The following GSDME variants were observed in gnomAD, a reference collection of about 807,000 sequenced individuals.
GSDME encodes gasdermin-E.
GSDME carries 44 observed loss-of-function variants against 47.5 expected under a neutral mutation model. That is an observed-to-expected ratio of 0.93 (90% confidence interval 0.73 to 1.19). GSDME has a LOEUF of 1.19. Ranked by LOEUF, GSDME falls within the 50% of genes most tolerant of loss-of-function variation. The probability of loss-of-function intolerance (pLI) is 0.00; values close to 1 mark genes in which losing one functional copy is unlikely to be tolerated. For missense variants in GSDME, 663 were observed against 604.2 expected, an observed-to-expected ratio of 1.10 and a Z score of -1.02; for synonymous variants, 258 against 252.8, an observed-to-expected ratio of 1.02 and a Z score of -0.20.
At position 24,702,818 on chromosome 7, in the gene GSDME, G is replaced by A. The variant is rs71535705; in HGVS notation, c.1199C>T (p.Ala400Val). The change falls in exon 9 of 10, where the codon GCA becomes GTA. Residue 400 changes from alanine to valine, a missense_variant. Coordinates refer to ENST00000645220, the MANE Select transcript of GSDME (RefSeq NM_001127453.2). ...GCAGCAAGTGCCCAGCAGAGCTGCT[G>A]CGCTATCTGGCATTTCTGCAGGAGA... ...VSALAEMPDS[A>V]AALLGTCCKL... The A allele has an allele frequency of 0.02, 32,435 of 1,612,940 alleles. 442 individuals carry two copies. The highest frequency in any genetic ancestry group is 0.024 in the Non-Finnish European group (28,223 of 1,179,240).
In GSDME at chr7:24,749,621, G is replaced by A; in HGVS notation, c.154C>T (p.Gln52Ter). The change falls in exon 2 of 10, where the codon CAG becomes TAG. Residue 52 changes from glutamine to a stop codon, truncating the protein, a stop_gained. Coordinates refer to ENST00000645220, the MANE Select transcript of GSDME (RefSeq NM_001127453.2). LOFTEE classifies it high-confidence loss of function. ...RFWCWQRPKY[Q>*]FLSLTLGDVL... ...TCGCCAAGGGTGAGGGATAAAAACT[G>A]GTACTTGGGTCTCTGCCAGCACCAG... 1 of 1,613,958 alleles carries A rather than the reference G, an allele frequency of 6.2e-7. No individual in the cohort carries two copies. Among genetic ancestry groups the A allele is most frequent in the African/African-American group, 1.3e-5 (1 of 74,962 alleles).
At chr7:24,759,026 A>G (rs892479362), upstream of GSDME, among the ~76,000 whole-genome samples, 6 of 152,182 alleles carry the variant, frequency 3.9e-5, no homozygotes, top group African/African-American at 1.4e-4. Flanking sequence ...CCAGCGCAAA[A>G]TAAGTGCACA....
the GSDME span, among the ~76,000 whole-genome samples, chr7:24,772,822 G>T: frequency 3.9e-5 from 6 of 152,178 alleles, no homozygotes; most frequent in Non-Finnish European, 8.8e-5. The surrounding 1 kb of genome is among the most constrained non-coding windows in gnomAD (Gnocchi z 4.5). Context: ...CTGACTGGTT[G>T]CCCGGTTGCC....
chr7:24,717,813 G>T (rs1440701373), intron 4 of GSDME, among the ~76,000 whole-genome samples: 1 of 152,166 alleles, frequency 6.6e-6, no homozygotes, highest in Non-Finnish European at 1.5e-5. Flanking sequence ...CCCTGTAGAT[G>T]GTGCACAGTG....
chr7:24,719,008 T>C (rs771962072), intron 4 of GSDME, 39 bp downstream of exon 4: 37 of 1,609,746 alleles, frequency 2.3e-5, no homozygotes, highest in Middle Eastern at 4.4e-4. Flanking sequence ...TCTCCAGGAC[T>C]GCTCAGCCAT....
At chr7:24,752,975 C>A (rs1375199376) in intron 1 of GSDME, among the ~76,000 whole-genome samples, 3 of 151,106 alleles carry the variant, frequency 2.0e-5, no homozygotes, top group African/African-American at 7.3e-5. Context: ...GAGGAAATTC[C>A]TAAATTAATT....
At chr7:24,729,306 G>C (rs1790067373) in intron 3 of GSDME, among the ~76,000 whole-genome samples, 1 of 152,238 alleles carries the variant, frequency 6.6e-6, no homozygotes, top group Non-Finnish European at 1.5e-5. Flanking sequence ...TTTAAATCCT[G>C]AATCTAGGCA....
At chr7:24,710,172 C>G in intron 6 of GSDME, 52 bp downstream of exon 6, 1 of 1,589,416 alleles carries the variant, frequency 6.3e-7, no homozygotes, top group South Asian at 1.1e-5. Context: ...TCTTGGGATA[C>G]AGGGCTCAGT....
At chr7:24,719,281 T>C (rs1333631887) in intron 3 of GSDME, 63 bp from the exon 4 acceptor site, 1 of 1,552,752 alleles carries the variant, frequency 6.4e-7, no homozygotes, top group Non-Finnish European at 8.8e-7. Context: ...TAGTGTGAAT[T>C]TCCTCTTGCA....
chr7:24,786,282 G>A, the GSDME span, among the ~76,000 whole-genome samples: 1 of 152,198 alleles, frequency 6.6e-6, no homozygotes, highest in Non-Finnish European at 1.5e-5. This position sits in a 1 kb window ranked among gnomAD's most constrained non-coding sequence, Gnocchi z 5.5. Context: ...AAAACCCGAG[G>A]AAAACTTTGG....
Position 24,698,914 on chromosome 7 carries a change from A to T in GSDME, c.*112T>A. The stretch of plus-strand genomic sequence containing the variant: ...ATCATGCAAAATGTCACCACTTCTT[A>T]AACTGTTCTGTAAATTCATTTCATT... On this transcript the variant is annotated 3_prime_UTR_variant, in exon 10 of 10. Coordinates refer to ENST00000645220, the MANE Select transcript of GSDME (RefSeq NM_001127453.2). 2.4e-6 allele frequency: 2 copies of T among 827,184 alleles called. No individual in the cohort carries two copies. The highest frequency in any genetic ancestry group is 4.1e-6 in the Non-Finnish European group (2 of 489,614). The allele number at this position is 827,184 out of a possible 1,614,324, so 51.2% of individuals were successfully genotyped here.
rs2128059592 is a variant in GSDME at position 24,735,268 on chromosome 7, G to C, written c.404+9294C>G. On this transcript the variant is annotated intron_variant, in intron 3 of 9. Transcript: ENST00000645220. The surrounding 1 kb of genome is among the most constrained non-coding windows in gnomAD (Gnocchi z 4.4). ...AAGCTGAAGGACTTCATCAATACCAGATCAGTCCTACAAGAAATGCTAAAG... is the reference window on the plus strand; with the variant it reads ...AAGCTGAAGGACTTCATCAATACCACATCAGTCCTACAAGAAATGCTAAAG... Among the ~76,000 whole-genome samples the C allele has an allele frequency of 6.6e-6, 1 of 152,260 alleles. No individual in the cohort carries two copies.
rs75306590 is a variant in GSDME, at chr7:24,716,051, A to C, written c.697+1203T>G. Among the ~76,000 whole-genome samples, 2 of 151,998 alleles carry C rather than the reference A, an allele frequency of 1.3e-5. No individual in the cohort carries two copies. The highest frequency in any genetic ancestry group is 1.5e-5 in the Non-Finnish European group (1 of 67,970). On this transcript the variant is annotated intron_variant, in intron 5 of 9. Coordinates refer to ENST00000645220, the MANE Select transcript of GSDME (RefSeq NM_001127453.2). This position sits in a 1 kb window ranked among gnomAD's most constrained non-coding sequence, Gnocchi z 4.5. ...TGGCTGCTGAATGGCGTAGTGACTC[A>C]TGTGGGCTTAGCGAGGGCAGGAGCT... is the stretch of plus-strand genomic sequence containing the variant.
intron 1 of GSDME, among the ~76,000 whole-genome samples, chr7:24,750,858 T>C (rs1790836188): frequency 6.6e-6 from 1 of 152,176 alleles, no homozygotes; most frequent in East Asian, 1.9e-4. Context: ...AGGAAAATAT[T>C]ACACTCAAGA....
the GSDME span, among the ~76,000 whole-genome samples, chr7:24,780,971 C>T: frequency 4.4e-3 from 668 of 152,320 alleles, 7 homozygotes; most frequent in African/African-American, 0.015. This position sits in a 1 kb window ranked among gnomAD's most constrained non-coding sequence, Gnocchi z 4.1. Context: ...GTGACCTTGA[C>T]GCAGGGACTC....
rs1789106204 is a variant in GSDME at position 24,706,389 on chromosome 7, G to A, written c.991-13C>T. 1.2e-6 allele frequency: 2 copies of A among 1,610,642 alleles called. No individual in the cohort carries two copies. The highest frequency in any genetic ancestry group is 2.2e-5 in the South Asian group (2 of 90,708). On this transcript the variant is annotated splice_polypyrimidine_tract_variant and intron_variant, in intron 7 of 9. Coordinates refer to ENST00000645220, the MANE Select transcript of GSDME (RefSeq NM_001127453.2). Reference sequence around the variant, plus strand: ...CCAGGTCATCGCACTGTAGGGCAGGGAAGAAGAAGGGTCATGACACAGCTG... The same window carrying A: ...CCAGGTCATCGCACTGTAGGGCAGGAAAGAAGAAGGGTCATGACACAGCTG...
the GSDME span, among the ~76,000 whole-genome samples, chr7:24,782,240 C>T: frequency 1.5e-4 from 21 of 138,116 alleles, no homozygotes; most frequent in African/African-American, 4.3e-4. Context: ...CAACAGGCCC[C>T]GGTGTGTGAT....
At chr7:24,718,822 T>C (rs968497724) in intron 4 of GSDME, among the ~76,000 whole-genome samples, 9 of 27,004 alleles carry the variant, frequency 3.3e-4, no homozygotes, top group Admixed American at 5.0e-4. Context: ...CAGCTCCCTA[T>C]ATATCCTCAA....
intron 3 of GSDME, among the ~76,000 whole-genome samples, chr7:24,738,773 A>G (rs1362649141): frequency 1.3e-5 from 2 of 152,216 alleles, no homozygotes; most frequent in Non-Finnish European, 2.9e-5. Flanking sequence ...TGGTAATGGC[A>G]TATAAACAAA....
Sources: gnomAD v4.1 joint callset for allele counts (sites outside exome capture counted in the v4.1 genomes callset) on GRCh38, gnomAD v4.1.1 for gene constraint, Gnocchi (gnomAD v3.1) non-coding constraint, MANE v1.5 for transcripts, NCBI Gene and HGNC (gene_info 2026-07-23, HGNC 2026-07-21) for gene names.